The following NAV3 variants were observed in gnomAD, a reference collection of about 807,000 sequenced individuals.
NAV3 encodes the protein neuron navigator 3, also known as pore membrane and/or filament interacting like protein 1.
In NAV3, 87 loss-of-function variants were observed where a neutral mutation model predicts 244.7. That is an observed-to-expected ratio of 0.36 (90% CI 0.30 to 0.42). The LOEUF (loss-of-function observed/expected upper bound fraction) is 0.42, where lower values mean the gene tolerates loss of function less well. Ranked by LOEUF, NAV3 falls within the 20% of genes least tolerant of loss-of-function variation. The probability of loss-of-function intolerance (pLI) is 1.00; values close to 1 mark genes in which losing one functional copy is unlikely to be tolerated. For missense variants in NAV3, 2,663 were observed against 2,893.3 expected (o/e 0.92, Z 1.83); for synonymous variants, 1,126 against 1,042.2 (o/e 1.08, Z -1.55).
At chr12:77,873,232 G>T (rs1333277056) in intron 1 of NAV3, among the ~76,000 whole-genome samples, 2 of 151,856 alleles carry the variant, frequency 1.3e-5, no homozygotes, top group Admixed American at 6.6e-5. Flanking sequence ...CCCCATCTTG[G>T]GTATTTCTTC....
chr12:77,899,585 A>G (rs1271148803), intron 1 of NAV3, among the ~76,000 whole-genome samples: 1 of 152,258 alleles, frequency 6.6e-6, no homozygotes, highest in Non-Finnish European at 1.5e-5. Flanking sequence ...ACTACAGTAT[A>G]GTACAAACAT....
rs542416023 is a variant in NAV3 at position 77,788,674 on chromosome 12, T to G, written c.73-151645T>G. ...CCTCCTCCTCCTTCCCACCCCCCTT[T>G]TCTTCCTTCTTCCTTCTATTATGTA... is the stretch of plus-strand genomic sequence containing the variant. On this transcript the variant is annotated intron_variant, in intron 2 of 8. Transcript: ENST00000550042. Among the ~76,000 whole-genome samples, 7 of 151,952 alleles carry G rather than the reference T, an allele frequency of 4.6e-5. No homozygotes were observed. The East Asian group carries it at 1.4e-3, about 29-fold the overall frequency.
chr12:77,712,212 C>T (rs12809891), intron 2 of NAV3, among the ~76,000 whole-genome samples: 1 of 152,080 alleles, frequency 6.6e-6, no homozygotes. Context: ...TGAACATAAT[C>T]AACAGAAATT....
At chr12:77,973,059 A>G (rs541001789) in intron 5 of NAV3, among the ~76,000 whole-genome samples, 2 of 152,154 alleles carry the variant, frequency 1.3e-5, no homozygotes, top group African/African-American at 4.8e-5. Context: ...TGTTAGGATG[A>G]TAGTACATGT....
chr12:78,053,212 T>A (rs1235676280), intron 11 of NAV3, among the ~76,000 whole-genome samples: 1 of 149,938 alleles, frequency 6.7e-6, no homozygotes, highest in South Asian at 2.1e-4. Context: ...TGAGACTCCG[T>A]CTAAAAATAT....
intron 12 of NAV3, among the ~76,000 whole-genome samples, chr12:78,071,061 T>C (rs948843993): frequency 6.6e-6 from 1 of 151,800 alleles, no homozygotes; most frequent in African/African-American, 2.4e-5. Context: ...CCTTTGGGTA[T>C]ATACCCAGTA....
rs1376086160 is a variant in NAV3, at chr12:78,148,874, A to G, written c.4740A>G (p.Ala1580=). The change falls in exon 22 of 40, where the codon GCA becomes GCG. Residue 1580 remains alanine, a synonymous_variant. Coordinates refer to ENST00000397909, the MANE Select transcript of NAV3 (RefSeq NM_001024383.2). ...QIHKLRRELV[A]SQEKVATLTS... ...ATAAACTGCGGAGAGAGCTGGTTGC[A>G]TCACAAGAAAAAGTTGCTACCCTCA... 1.2e-6 allele frequency: 2 copies of G among 1,612,974 alleles called. No homozygotes were observed. The highest frequency in any genetic ancestry group is 1.7e-5 in the Admixed American group (1 of 59,830).
rs114261966 is a variant in NAV3, at chr12:78,186,310, A to T, written c.5790+612A>T. Among the ~76,000 whole-genome samples, 737 of 152,084 alleles carry T rather than the reference A, an allele frequency of 4.8e-3. 8 individuals carry two copies. The highest frequency in any genetic ancestry group is 0.017 in the African/African-American group (700 of 41,556). Reference sequence around the variant, plus strand: ...AAATTTTAAGTTAAAATTTTAGTTGAGTGGCCAAAAATACAAATTTCTAAG... The same window carrying T: ...AAATTTTAAGTTAAAATTTTAGTTGTGTGGCCAAAAATACAAATTTCTAAG... On this transcript the variant is annotated intron_variant, in intron 31 of 39. Transcript: ENST00000397909.
At chr12:78,149,037 G>T in intron 22 of NAV3, 118 bp downstream of exon 22, 1 of 797,906 alleles carries the variant, frequency 1.3e-6, no homozygotes, top group South Asian at 1.8e-5. Flanking sequence ...TTACCAACTA[G>T]CAGGACTCAT....
In NAV3 at chr12:78,168,926, A is replaced by G. The variant is rs1957889502; in HGVS notation, c.4981+60A>G. ...TAATAGACATCTATTTTATTTATTA[A>G]TTACAGTAGAACTGCATTTACTCAG... On this transcript the variant is annotated intron_variant, in intron 24 of 39. Coordinates refer to ENST00000397909, the MANE Select transcript of NAV3 (RefSeq NM_001024383.2). The G allele has an allele frequency of 8.8e-6, 10 of 1,132,526 alleles. No homozygotes were observed. The East Asian group carries it at 1.4e-4, about 16-fold the overall frequency. The allele number at this position is 1,132,526 out of a possible 1,614,324, so 70.2% of individuals were successfully genotyped here.
At chr12:78,104,849 T>C (rs1954721243) in intron 12 of NAV3, among the ~76,000 whole-genome samples, 1 of 152,180 alleles carries the variant, frequency 6.6e-6, no homozygotes, top group Non-Finnish European at 1.5e-5. Flanking sequence ...TTATGTGGCC[T>C]TTTGAATCTG....
intron 2 of NAV3, among the ~76,000 whole-genome samples, chr12:77,584,521 T>C (rs1869512276): frequency 1.3e-5 from 2 of 152,156 alleles, no homozygotes; most frequent in Admixed American, 1.3e-4. Flanking sequence ...CCATGTACCT[T>C]TATTTCTTCC....
At chr12:78,023,822 T>A (rs1877551826) in intron 9 of NAV3, among the ~76,000 whole-genome samples, 1 of 152,178 alleles carries the variant, frequency 6.6e-6, no homozygotes. Flanking sequence ...TCACTATTAC[T>A]CTCTTACCAT....
At chr12:78,070,924 T>G (rs300418) in intron 12 of NAV3, among the ~76,000 whole-genome samples, 7,630 of 145,388 alleles carry the variant, frequency 0.052, 157 homozygotes, top group Non-Finnish European at 0.064. Context: ...GGTGTATATG[T>G]GCCACATTTT....
At chr12:77,590,140 T>G (rs77298629) in intron 2 of NAV3, among the ~76,000 whole-genome samples, 2,122 of 152,252 alleles carry the variant, frequency 0.014, 44 homozygotes, top group African/African-American at 0.048. Context: ...TCTTTCCATA[T>G]CATAAATGGC....
chr12:77,758,384 C>CT (rs1341981670), intron 2 of NAV3, among the ~76,000 whole-genome samples: 8 of 152,050 alleles, frequency 5.3e-5, no homozygotes, highest in African/African-American at 1.7e-4. Flanking sequence ...TTAGTTGGCC[C>CT]TTAAGTGGGT....
At chr12:77,581,103 T>C (rs568375186) in intron 2 of NAV3, among the ~76,000 whole-genome samples, 1 of 152,324 alleles carries the variant, frequency 6.6e-6, no homozygotes, top group East Asian at 1.9e-4. Context: ...AGCTGTACTA[T>C]GTACTCTTTT....
intron 3 of NAV3, among the ~76,000 whole-genome samples, chr12:77,955,303 G>T (rs116995381): frequency 6.6e-6 from 1 of 151,924 alleles, no homozygotes; most frequent in African/African-American, 2.4e-5. Context: ...TCCTTCCCGC[G>T]TTCACCTCGT....
At chr12:77,630,663 G>T (rs12301423) in intron 2 of NAV3, among the ~76,000 whole-genome samples, 1 of 151,926 alleles carries the variant, frequency 6.6e-6, no homozygotes, top group South Asian at 2.1e-4. Flanking sequence ...TTTTCTTGGC[G>T]GTATTTTCCT....
Sources: gnomAD v4.1 joint callset for allele counts (sites outside exome capture counted in the v4.1 genomes callset) on GRCh38, gnomAD v4.1.1 for gene constraint, MANE v1.5 for transcripts, NCBI Gene and HGNC (gene_info 2026-07-23, HGNC 2026-07-21) for gene names.